SETBP1: variants seen among roughly 807,000 people sequenced by gnomAD.
SETBP1 encodes SET binding protein 1, also known as SET-binding protein.
Under a neutral mutation model 101.0 loss-of-function variants are expected in SETBP1, and 9 were observed. The ratio of observed to expected loss-of-function variants is 0.09; its 90% CI spans 0.05 to 0.16. The LOEUF (loss-of-function observed/expected upper bound fraction) is 0.16, where lower values mean the gene tolerates loss of function less well. Among genes scored for constraint, SETBP1 ranks in the 10% least tolerant of loss-of-function variants. The pLI is 1.00. For missense variants in SETBP1, 1,858 were observed against 2,033.8 expected, an observed-to-expected ratio of 0.91 and a Z score of 1.66; for synonymous variants, 818 against 788.5, an observed-to-expected ratio of 1.04 and a Z score of -0.63.
At chr18:44,948,818 T>C (rs186119055) in intron 3 of SETBP1, among the ~76,000 whole-genome samples, 4 of 152,348 alleles carry the variant, frequency 2.6e-5, no homozygotes, top group East Asian at 1.9e-4. Context: ...TCCATTCTCA[T>C]TGTGGTTTTG....
chr18:45,028,027 A>G (rs1469419884), intron 4 of SETBP1, among the ~76,000 whole-genome samples: 1 of 151,810 alleles, frequency 6.6e-6, no homozygotes, highest in East Asian at 1.9e-4. Flanking sequence ...TATTATTATT[A>G]TACTTTAAGT....
intron 4 of SETBP1, among the ~76,000 whole-genome samples, chr18:44,977,845 A>G (rs1307416257): frequency 2.0e-5 from 3 of 152,102 alleles, no homozygotes; most frequent in African/African-American, 7.2e-5. Context: ...CCTTATATCT[A>G]TTCAGGAGTG....
rs548265260 is a variant in SETBP1 at position 44,688,704 on chromosome 18, C to T, written c.-173+7683C>T. Reference sequence around the variant, plus strand: ...TCCTGACCTCATGATCCGCCTGCCTCGGCCTCCCAAAGTGCTGGGATTACA... The same window carrying T: ...TCCTGACCTCATGATCCGCCTGCCTTGGCCTCCCAAAGTGCTGGGATTACA... On this transcript the variant is annotated intron_variant, in intron 1 of 5. Coordinates refer to ENST00000649279, the MANE Select transcript of SETBP1 (RefSeq NM_015559.3). Among the ~76,000 whole-genome samples the T allele has an allele frequency of 1.3e-3, 196 of 152,170 alleles. 2 individuals carry two copies. The highest frequency in any genetic ancestry group is 2.4e-3 in the Non-Finnish European group (165 of 67,998).
At chr18:44,861,505 T>G (rs966415049) in intron 2 of SETBP1, among the ~76,000 whole-genome samples, 2 of 152,096 alleles carry the variant, frequency 1.3e-5, no homozygotes, top group African/African-American at 4.8e-5. Flanking sequence ...GTGGATTTCT[T>G]ATTCATCATT....
At chr18:44,941,976 G>C (rs950785957) in intron 3 of SETBP1, among the ~76,000 whole-genome samples, 1 of 152,014 alleles carries the variant, frequency 6.6e-6, no homozygotes. Context: ...CTGCTTCTTT[G>C]CCTGTCTAGT....
chr18:44,938,534 T>C lies in SETBP1; in HGVS notation c.541-11347T>C, dbSNP rs541711274. On this transcript the variant is annotated intron_variant, in intron 3 of 5. Transcript: ENST00000649279. ...GCTTATCTCTCCAGATAAAGCCTCT[T>C]AATAGGGAATTACACTGGAGGAGCC... Among the ~76,000 whole-genome samples the C allele has an allele frequency of 1.1e-3, 175 of 152,344 alleles. 1 individual carries two copies. The highest frequency in any genetic ancestry group is 4.1e-3 in the African/African-American group (169 of 41,584).
chr18:44,802,826 A>G (rs1451285072), intron 2 of SETBP1, among the ~76,000 whole-genome samples: 1 of 152,096 alleles, frequency 6.6e-6, no homozygotes, highest in African/African-American at 2.4e-5. Context: ...GCAGGTCTTC[A>G]TTTCTGGCCA....
intron 3 of SETBP1, among the ~76,000 whole-genome samples, chr18:44,875,190 C>T (rs1197774882): frequency 2.0e-5 from 3 of 152,104 alleles, no homozygotes; most frequent in Non-Finnish European, 2.9e-5. Flanking sequence ...TCTAAATGGA[C>T]ATCAGCTGTC....
rs74484569 is a variant in SETBP1 at position 45,014,993 on chromosome 18, G to C, written c.4001-23492G>C. On this transcript the variant is annotated intron_variant, in intron 4 of 5. Coordinates refer to ENST00000649279, the MANE Select transcript of SETBP1 (RefSeq NM_015559.3). ...CTGGAATGCATGCTTCAAACAGCCA[G>C]TGGGGTGCCTGCTCCGGACTCTCTG... Among the ~76,000 whole-genome samples the C allele has an allele frequency of 8.4e-4, 128 of 152,316 alleles. 1 individual carries two copies. In the East Asian group the frequency reaches 0.018, roughly 21 times the overall value.
intron 2 of SETBP1, among the ~76,000 whole-genome samples, chr18:44,764,687 A>G (rs1368638022): frequency 2.0e-5 from 3 of 151,936 alleles, no homozygotes; most frequent in Non-Finnish European, 4.4e-5. Flanking sequence ...GTTAGTGAGG[A>G]TGGCCTCGCT....
chr18:44,995,254 G>T (rs977684617), intron 4 of SETBP1, among the ~76,000 whole-genome samples: 2 of 145,848 alleles, frequency 1.4e-5, no homozygotes, highest in Admixed American at 1.5e-4. Flanking sequence ...CCATTCTCCT[G>T]CCTCAGCCTC....
chr18:44,978,666 A>G (rs2072043957), intron 4 of SETBP1, among the ~76,000 whole-genome samples: 1 of 152,192 alleles, frequency 6.6e-6, no homozygotes, highest in Non-Finnish European at 1.5e-5. Context: ...CATTACTGTC[A>G]TTCTTAACAA....
At chr18:44,766,903 A>C (rs912093439) in intron 2 of SETBP1, among the ~76,000 whole-genome samples, 1 of 152,252 alleles carries the variant, frequency 6.6e-6, no homozygotes, top group Admixed American at 6.5e-5. Context: ...CTAAAAACTT[A>C]TATCTTTGAG....
intron 4 of SETBP1, among the ~76,000 whole-genome samples, chr18:45,023,517 C>G (rs953483036): frequency 6.6e-6 from 1 of 152,208 alleles, no homozygotes; most frequent in Non-Finnish European, 1.5e-5. Flanking sequence ...GTGCACAAAA[C>G]TGCTTCCTTA....
chr18:44,885,079 G>A (rs2069609802), intron 3 of SETBP1, among the ~76,000 whole-genome samples: 1 of 152,040 alleles, frequency 6.6e-6, no homozygotes. Flanking sequence ...GTCACTTTGA[G>A]CTAAAACCAG....
At chr18:44,691,375 T>C (rs2068930110) in intron 1 of SETBP1, among the ~76,000 whole-genome samples, 1 of 150,960 alleles carries the variant, frequency 6.6e-6, no homozygotes, top group African/African-American at 2.4e-5. Context: ...CCCAACCCTT[T>C]CACTACAAGA....
chr18:45,061,020 C>T (rs2073883209), intron 5 of SETBP1, among the ~76,000 whole-genome samples: 1 of 152,196 alleles, frequency 6.6e-6, no homozygotes, highest in Admixed American at 6.5e-5. Context: ...ATAGCATTTG[C>T]TTCCTCTATG....
intron 5 of SETBP1, among the ~76,000 whole-genome samples, chr18:45,042,765 A>C (rs2073534699): frequency 6.6e-6 from 1 of 152,150 alleles, no homozygotes; most frequent in South Asian, 2.1e-4. Context: ...GATTTGTAAA[A>C]GGGGGCCATC....
chr18:45,027,654 GA>G (rs2073195755), intron 4 of SETBP1, among the ~76,000 whole-genome samples: 1 of 152,180 alleles, frequency 6.6e-6, no homozygotes. Context: ...GTAGTGCTAA[GA>G]AGTAATCATG....
Sources: gnomAD v4.1 joint callset for allele counts (sites outside exome capture counted in the v4.1 genomes callset) on GRCh38, gnomAD v4.1.1 for gene constraint, MANE v1.5 for transcripts, NCBI Gene and HGNC (gene_info 2026-07-23, HGNC 2026-07-21) for gene names.